The following EPS15 variants were observed in gnomAD, a reference collection of about 807,000 sequenced individuals.
The protein encoded by EPS15 is epidermal growth factor receptor pathway substrate 15, also known as epidermal growth factor receptor substrate 15.
EPS15 carries 72 observed loss-of-function variants against 113.8 expected under a neutral mutation model. The observed-to-expected ratio is 0.63, with a 90% CI of 0.52 to 0.77. The LOEUF is 0.77. Ranked by LOEUF, EPS15 falls within the 30% of genes least tolerant of loss-of-function variation. EPS15 has a pLI of 0.00. For missense variants in EPS15, 1,048 were observed against 1,045.8 expected, an observed-to-expected ratio of 1.00 and a Z score of -0.03; for synonymous variants, 344 against 363.4, an observed-to-expected ratio of 0.95 and a Z score of 0.61.
chr1:51,443,090 T>C (rs1190646708), intron 11 of EPS15, among the ~76,000 whole-genome samples: 1 of 152,196 alleles, frequency 6.6e-6, no homozygotes, highest in Non-Finnish European at 1.5e-5. Context: ...CCCATTTCAA[T>C]GAATAATACT....
chr1:51,416,698 A>T lies in EPS15; in HGVS notation c.1113+5088T>A, dbSNP rs75686588. ...TATGAAAAAATAAAACTTTCATTTTAGCAACTCAAGTCAGATGTACAACTG... is the reference window on the plus strand; with the variant it reads ...TATGAAAAAATAAAACTTTCATTTTTGCAACTCAAGTCAGATGTACAACTG... On this transcript the variant is annotated intron_variant, in intron 13 of 24. Coordinates refer to ENST00000371733, the MANE Select transcript of EPS15 (RefSeq NM_001981.3). Among the ~76,000 whole-genome samples, 738 of 152,262 alleles carry T rather than the reference A, an allele frequency of 4.8e-3. 7 individuals carry two copies. The highest frequency in any genetic ancestry group is 0.016 in the African/African-American group (682 of 41,556).
chr1:51,404,060 G>A (rs1648850731), intron 16 of EPS15, among the ~76,000 whole-genome samples: 1 of 152,104 alleles, frequency 6.6e-6, no homozygotes, highest in Non-Finnish European at 1.5e-5. Context: ...GAAGTAGTAG[G>A]GGCAGGCCGG....
chr1:51,443,082 C>A (rs1476615578), intron 11 of EPS15, among the ~76,000 whole-genome samples: 1 of 151,990 alleles, frequency 6.6e-6, no homozygotes, highest in Non-Finnish European at 1.5e-5. Flanking sequence ...GATAAATTCC[C>A]ATTTCAATGA....
chr1:51,406,397 G>T (rs1183810896), intron 15 of EPS15, among the ~76,000 whole-genome samples: 1 of 152,064 alleles, frequency 6.6e-6, no homozygotes, highest in East Asian at 1.9e-4. Flanking sequence ...GATCACTTGA[G>T]CCCAGAGGTC....
chr1:51,406,238 A>C (rs1373915922), intron 15 of EPS15, 130 bp from the exon 16 acceptor site: 5 of 733,502 alleles, frequency 6.8e-6, no homozygotes, highest in Non-Finnish European at 1.1e-5. Context: ...CACTTTGGGA[A>C]ACTGAGGCAG....
At chr1:51,456,638 A>G (rs1386279292) in intron 8 of EPS15, among the ~76,000 whole-genome samples, 1 of 152,226 alleles carries the variant, frequency 6.6e-6, no homozygotes, top group East Asian at 1.9e-4. Context: ...CACTACTGCA[A>G]AAGTATTTTT....
intron 1 of EPS15, among the ~76,000 whole-genome samples, chr1:51,496,074 G>A (rs1379910971): frequency 6.6e-6 from 1 of 152,128 alleles, no homozygotes; most frequent in Non-Finnish European, 1.5e-5. Flanking sequence ...AACATACATT[G>A]AATCTCATTA....
In EPS15 at chr1:51,428,224, T is replaced by A. The variant is rs529836910; in HGVS notation, c.1041-6366A>T. Among the ~76,000 whole-genome samples, 4 of 152,274 alleles carry A rather than the reference T, an allele frequency of 2.6e-5. No individual in the cohort carries two copies. The South Asian group carries it at 8.3e-4, about 32-fold the overall frequency. The stretch of plus-strand genomic sequence containing the variant: ...TGAGGGAGTTCATTACTTCTAGATC[T>A]ACCCTACAATAAATGCTAAAGGGAG... On this transcript the variant is annotated intron_variant, in intron 12 of 24. Transcript: ENST00000371733.
At position 51,403,522 on chromosome 1, in the gene EPS15, C is replaced by T; in HGVS notation, c.1688G>A (p.Ser563Asn). ...CACACCAGAAGGCAGTAGTTCAGGA[C>T]TACTTCTTGCCTACAAAATATTAAT... ...PIHQESPARSSPELLPSGVTD... is the reference protein window; with the variant it reads ...PIHQESPARSNPELLPSGVTD... Residue 563 changes from serine (S) to asparagine (N), a missense_variant, in exon 17 of 25, where the codon AGT becomes AAT. Transcript: ENST00000371733. 2 of 1,574,744 alleles carry T rather than the reference C, an allele frequency of 1.3e-6. No individual in the cohort carries two copies. Among genetic ancestry groups the T allele is most frequent in the Non-Finnish European group, 1.7e-6 (2 of 1,155,844 alleles).
intron 1 of EPS15, among the ~76,000 whole-genome samples, chr1:51,483,393 C>T (rs1644056772): frequency 7.5e-6 from 1 of 133,672 alleles, no homozygotes; most frequent in Non-Finnish European, 1.6e-5. Flanking sequence ...GAACTCAAGA[C>T]TGCAAGTGTG....
chr1:51,491,153 GTTTTGCTC>G (rs1191593590), intron 1 of EPS15, among the ~76,000 whole-genome samples: 2 of 152,092 alleles, frequency 1.3e-5, no homozygotes, highest in Admixed American at 1.3e-4. Context: ...ACTCTTTTTA[GTTTTGCTC>G]TTTAAAAAAT....
chr1:51,472,307 A>G lies in EPS15; in HGVS notation c.165+552T>C, dbSNP rs535621499. On this transcript the variant is annotated intron_variant, in intron 3 of 24. Coordinates refer to ENST00000371733, the MANE Select transcript of EPS15 (RefSeq NM_001981.3). ...CTCTTTCTACTAGAATGTACATACT[A>G]TTCTTGATTTTGGATCCTTAAGATA... Among the ~76,000 whole-genome samples the G allele has an allele frequency of 2.2e-4, 33 of 152,328 alleles. No individual in the cohort carries two copies. The South Asian group carries it at 6.6e-3, about 31-fold the overall frequency.
chr1:51,505,119 CA>C (rs111863434), intron 1 of EPS15, among the ~76,000 whole-genome samples: 4,759 of 137,712 alleles, frequency 0.035, 74 homozygotes, highest in African/African-American at 0.055. Flanking sequence ...GACTGTGTCT[CA>C]AAAAAAAAAA....
At chr1:51,408,412 T>G in intron 14 of EPS15, 80 bp from the exon 15 acceptor site, 1 of 1,042,822 alleles carries the variant, frequency 9.6e-7, no homozygotes. Context: ...GCAATACATT[T>G]ATTTGTTTAG....
chr1:51,371,795 T>C (rs968016934), intron 21 of EPS15, among the ~76,000 whole-genome samples: 1 of 152,210 alleles, frequency 6.6e-6, no homozygotes, highest in African/African-American at 2.4e-5. Context: ...ACATTCACTA[T>C]TACTTGACTC....
At chr1:51,450,638 AT>A (rs1350869888) in intron 8 of EPS15, among the ~76,000 whole-genome samples, 5 of 151,854 alleles carry the variant, frequency 3.3e-5, no homozygotes, top group African/African-American at 1.2e-4. Context: ...ACATGCTCAA[AT>A]TGGTACCACC....
Position 51,448,104 on chromosome 1 carries a change from T to G in EPS15, c.593A>C (p.Lys198Thr). 1 of 1,613,678 alleles carries G rather than the reference T, an allele frequency of 6.2e-7. No individual in the cohort carries two copies. The highest frequency in any genetic ancestry group is 8.5e-7 in the Non-Finnish European group (1 of 1,179,620). Residue 198 changes from lysine to threonine, a missense_variant, in exon 9 of 25, where the codon AAA becomes ACA. By Grantham distance (78) the Lys-to-Thr change is moderately conservative (BLOSUM62 -1). Transcript: ENST00000371733. ...AMFLVYCALE[K>T]EPVPMSLPPA... ...AGGCAAGGACATTGGCACAGGTTCTTTCTCCAGTGCACAGTATACCAAAAA... is the reference window on the plus strand; with the variant it reads ...AGGCAAGGACATTGGCACAGGTTCTGTCTCCAGTGCACAGTATACCAAAAA...
intron 22 of EPS15, among the ~76,000 whole-genome samples, chr1:51,364,645 C>T (rs1368037363): frequency 6.6e-6 from 1 of 151,854 alleles, no homozygotes; most frequent in Non-Finnish European, 1.5e-5. Flanking sequence ...CAGGTGTGTA[C>T]CACCACGCCT....
At chr1:51,494,718 T>C (rs1419667507) in intron 1 of EPS15, among the ~76,000 whole-genome samples, 3 of 152,228 alleles carry the variant, frequency 2.0e-5, no homozygotes, top group Non-Finnish European at 4.4e-5. Flanking sequence ...CTCCTACTCT[T>C]GGTAGTTCTT....
Sources: gnomAD v4.1 joint callset for allele counts (sites outside exome capture counted in the v4.1 genomes callset) on GRCh38, gnomAD v4.1.1 for gene constraint, MANE v1.5 for transcripts, NCBI Gene and HGNC (gene_info 2026-07-23, HGNC 2026-07-21) for gene names.